SPATS2: variants seen among roughly 807,000 people sequenced by gnomAD.
The protein encoded by SPATS2 is spermatogenesis-associated serine-rich protein 2.
Under a neutral mutation model 63.7 loss-of-function variants are expected in SPATS2, and 38 were observed. The observed-to-expected ratio is 0.60, with a 90% CI of 0.46 to 0.78. The LOEUF (loss-of-function observed/expected upper bound fraction) is 0.78, where lower values mean the gene tolerates loss of function less well. Among genes scored for constraint, SPATS2 ranks in the 30% least tolerant of loss-of-function variants. SPATS2 has a pLI of 0.00. For missense variants in SPATS2, 588 were observed against 666.2 expected (o/e 0.88, Z 1.29); for synonymous variants, 207 against 232.9 (o/e 0.89, Z 1.01).
At chr12:49,433,658 T>A (rs1217357877) in intron 2 of SPATS2, among the ~76,000 whole-genome samples, 1 of 151,810 alleles carries the variant, frequency 6.6e-6, no homozygotes, top group African/African-American at 2.4e-5. Flanking sequence ...GTTGTTGTTG[T>A]GGATTTGCAG....
At chr12:49,446,991 C>T (rs1370281309) in intron 2 of SPATS2, among the ~76,000 whole-genome samples, 6 of 151,662 alleles carry the variant, frequency 4.0e-5, no homozygotes, top group South Asian at 2.1e-4. Flanking sequence ...TGCAATGGCA[C>T]GATCTCGGCT....
At chr12:49,445,458 ATTGT>A (rs1945493803) in intron 2 of SPATS2, among the ~76,000 whole-genome samples, 1 of 151,914 alleles carries the variant, frequency 6.6e-6, no homozygotes, top group Non-Finnish European at 1.5e-5. Flanking sequence ...TGGTATTACA[ATTGT>A]TTTCTATGTT....
intron 2 of SPATS2, among the ~76,000 whole-genome samples, chr12:49,397,040 CA>C (rs1296575563): frequency 3.3e-5 from 5 of 152,158 alleles, no homozygotes; most frequent in African/African-American, 1.2e-4. Flanking sequence ...GCTACCTGGC[CA>C]TTTATTTCCC....
intron 2 of SPATS2, among the ~76,000 whole-genome samples, chr12:49,456,902 T>C (rs1945728949): frequency 6.6e-6 from 1 of 152,200 alleles, no homozygotes; most frequent in African/African-American, 2.4e-5. Flanking sequence ...AATGTTATCT[T>C]CTATTATAAT....
chr12:49,519,139 A>C lies in SPATS2; in HGVS notation c.965A>C (p.Gln322Pro). The stretch of plus-strand genomic sequence containing the variant: ...AAGAAGATGACTCATGTGGCTGTTC[A>C]AATGTCAGAGCAGCAATTGGTTGAG... ...LLKKMTHVAV[Q>P]MSEQQLVELR... Residue 322 changes from glutamine (Q) to proline (P), a missense_variant, in exon 11 of 14, where the codon CAA becomes CCA. Gln to Pro is a moderately conservative substitution (Grantham distance 76). Coordinates refer to ENST00000552918, the MANE Select transcript of SPATS2 (RefSeq NM_023071.4). 1 of 1,614,144 alleles carries C rather than the reference A, an allele frequency of 6.2e-7. No individual in the cohort carries two copies.
At chr12:49,509,554 G>A (rs1207879058) in intron 9 of SPATS2, among the ~76,000 whole-genome samples, 6 of 152,088 alleles carry the variant, frequency 3.9e-5, no homozygotes, top group African/African-American at 1.4e-4. Flanking sequence ...ATAGGCGTGA[G>A]CCACTGCACC....
At chr12:49,417,940 G>A (rs1308743190) in intron 2 of SPATS2, among the ~76,000 whole-genome samples, 2 of 152,154 alleles carry the variant, frequency 1.3e-5, no homozygotes, top group African/African-American at 2.4e-5. Flanking sequence ...TAGTGCAGTG[G>A]TATGATTTTG....
chr12:49,477,122 C>A (rs1056852386), intron 3 of SPATS2, among the ~76,000 whole-genome samples: 19 of 151,206 alleles, frequency 1.3e-4, no homozygotes, highest in African/African-American at 3.4e-4. Context: ...AAAAAAAATT[C>A]TTGGAATTTA....
Position 49,524,713 on chromosome 12 carries a change from A to C in SPATS2, c.1143A>C (p.Arg381Ser). 6.2e-7 allele frequency: 1 copy of C among 1,614,206 alleles called. No individual in the cohort carries two copies. The highest frequency in any genetic ancestry group is 8.5e-7 in the Non-Finnish European group (1 of 1,180,030). Residue 381 changes from arginine (R) to serine (S), a missense_variant, in exon 13 of 14, where the codon AGA (arginine) becomes AGC (serine). Physicochemically the swap from Arg to Ser is moderately radical, Grantham distance 110. Coordinates refer to ENST00000552918, the MANE Select transcript of SPATS2 (RefSeq NM_023071.4). ...VSHPKNSYST[R>S]SRCSSVTSVS... ...ATCCAAAGAACAGCTATTCGACCAG[A>C]TCCCGATGTAGCTCAGTTACATCTG... is the stretch of plus-strand genomic sequence containing the variant.
chr12:49,505,635 C>T (rs1018716232), intron 9 of SPATS2, among the ~76,000 whole-genome samples: 1 of 152,030 alleles, frequency 6.6e-6, no homozygotes, highest in African/African-American at 2.4e-5. Flanking sequence ...CCAGTAATAA[C>T]ATATGAAGAA....
chr12:49,381,938 T>G (rs1408635566), intron 2 of SPATS2, among the ~76,000 whole-genome samples: 1 of 152,230 alleles, frequency 6.6e-6, no homozygotes, highest in Admixed American at 6.5e-5. Context: ...CAGTAGCTTT[T>G]AAGCAGAACA....
At chr12:49,405,095 CT>C in intron 2 of SPATS2, among the ~76,000 whole-genome samples, 1 of 151,536 alleles carries the variant, frequency 6.6e-6, no homozygotes, top group East Asian at 1.9e-4. Flanking sequence ...GTATCTTGCT[CT>C]TTACAGAAAA....
At chr12:49,375,188 GT>G (rs1944076989) in intron 2 of SPATS2, among the ~76,000 whole-genome samples, 2 of 94,322 alleles carry the variant, frequency 2.1e-5, no homozygotes, top group African/African-American at 5.4e-5. Flanking sequence ...GTGTGTGTGT[GT>G]GTGTGTGGTG....
intron 2 of SPATS2, among the ~76,000 whole-genome samples, chr12:49,436,242 C>G (rs1474838936): frequency 1.3e-5 from 2 of 150,396 alleles, no homozygotes; most frequent in Admixed American, 6.6e-5. Flanking sequence ...CCCCTCACCT[C>G]CCGGACGGGG....
rs759516092 is a variant in SPATS2, at chr12:49,389,706, A to C, written c.-244+18416A>C. 3 of 1,551,018 alleles carry C rather than the reference A, an allele frequency of 1.9e-6. No homozygotes were observed. In the East Asian group the frequency reaches 6.7e-5, roughly 35 times the overall value. On this transcript the variant is annotated intron_variant, in intron 2 of 13. Coordinates refer to ENST00000552918, the MANE Select transcript of SPATS2 (RefSeq NM_023071.4). ...GTCGCAAGAACATCGGCCACGGTCC[A>C]CGTTAGTTATGGGAATCCAGCAAGA...
chr12:49,517,464 A>G (rs774092664), intron 10 of SPATS2, among the ~76,000 whole-genome samples: 18 of 152,128 alleles, frequency 1.2e-4, no homozygotes, highest in South Asian at 2.1e-4. Context: ...ACAGGATTCT[A>G]TGTATATCAG....
intron 11 of SPATS2, among the ~76,000 whole-genome samples, chr12:49,519,491 C>T (rs1202014978): frequency 6.6e-6 from 1 of 152,180 alleles, no homozygotes; most frequent in East Asian, 1.9e-4. Context: ...TTACCACCAT[C>T]TCTTGCCTGG....
At position 49,509,061 on chromosome 12, in the gene SPATS2, C is replaced by T. The variant is rs1203376761; in HGVS notation, c.840-5494C>T. On this transcript the variant is annotated intron_variant, in intron 9 of 13. Coordinates refer to ENST00000552918, the MANE Select transcript of SPATS2 (RefSeq NM_023071.4). ...CCTGGGCAACAGAGTGAGACTCTGT[C>T]TCAAAAAAACTTGAACAACATACTC... is the stretch of plus-strand genomic sequence containing the variant. 2.0e-5 allele frequency among the ~76,000 whole-genome samples: 3 copies of T among 151,798 alleles called. No homozygotes were observed. The East Asian group carries it at 5.9e-4, about 30-fold the overall frequency.
intron 2 of SPATS2, among the ~76,000 whole-genome samples, chr12:49,426,604 C>T (rs1592384072): frequency 2.0e-5 from 3 of 152,220 alleles, no homozygotes; most frequent in African/African-American, 7.2e-5. Flanking sequence ...AGTGCAGTGG[C>T]GCCATCTTGG....
Sources: gnomAD v4.1 joint callset for allele counts (sites outside exome capture counted in the v4.1 genomes callset) on GRCh38, gnomAD v4.1.1 for gene constraint, MANE v1.5 for transcripts, NCBI Gene and HGNC (gene_info 2026-07-23, HGNC 2026-07-21) for gene names.